Variants in KMT2C observed in about 807,000 individuals in gnomAD.
KMT2C encodes lysine methyltransferase 2C.
In KMT2C, 88 loss-of-function variants were observed where a neutral mutation model predicts 507.9. That is an observed-to-expected ratio of 0.17 (90% CI 0.15 to 0.21). The LOEUF is 0.21. Among genes scored for constraint, KMT2C ranks in the 10% least tolerant of loss-of-function variants. KMT2C has a pLI of 1.00. For synonymous variants in KMT2C, 2,049 were observed against 2,080.8 expected (o/e 0.98, Z 0.42); for missense variants, 4,954 against 5,957.8 (o/e 0.83, Z 5.55).
rs753990249 is a variant in KMT2C at position 152,309,986 on chromosome 7, C to G, written c.829G>C (p.Val277Leu). 1.6e-5 allele frequency: 26 copies of G among 1,610,874 alleles called. No homozygotes were observed. Among genetic ancestry groups the G allele is most frequent in the Admixed American group, 1.5e-4 (9 of 59,996 alleles). ...CTTACTTCTGTGCTCCCTGAGACAA[C>G]AGCTTTGTCCACGTTCACTAACAAT... ...EPLLVNVDKAVVSGSTERCAF... is the reference protein window; with the variant it reads ...EPLLVNVDKALVSGSTERCAF... Residue 277 changes from valine to leucine, a missense_variant, in exon 6 of 59, where the codon GTT (valine) becomes CTT (leucine). By Grantham distance (32) the Val-to-Leu change is conservative. Transcript: ENST00000262189.
intron 7 of KMT2C, among the ~76,000 whole-genome samples, chr7:152,272,973 G>A (rs73730020): frequency 2.0e-5 from 3 of 152,076 alleles, no homozygotes; most frequent in Non-Finnish European, 2.9e-5. Flanking sequence ...GTTTCATAAT[G>A]AGATTGGAAA....
rs141196435 is a variant in KMT2C at position 152,198,170 on chromosome 7, C to T, written c.4273+1109G>A. Among the ~76,000 whole-genome samples the T allele has an allele frequency of 1.2e-3, 178 of 152,212 alleles. 1 individual carries two copies. The highest frequency in any genetic ancestry group is 2.2e-3 in the Admixed American group (34 of 15,286). On this transcript the variant is annotated intron_variant, in intron 27 of 58. Transcript: ENST00000262189. ...CAAGAGCAGGTCATACTTAAAACAACAGAATTAAAGTAGGAGGTAAAAAAT... is the reference window on the plus strand; with the variant it reads ...CAAGAGCAGGTCATACTTAAAACAATAGAATTAAAGTAGGAGGTAAAAAAT...
At chr7:152,349,183 C>T (rs995485481) in intron 2 of KMT2C, among the ~76,000 whole-genome samples, 88 of 152,252 alleles carry the variant, frequency 5.8e-4, no homozygotes, top group South Asian at 2.1e-4. Context: ...CGGTGACTCA[C>T]GCCTGTAATC....
At chr7:152,417,145 T>C (rs909400372) in intron 1 of KMT2C, among the ~76,000 whole-genome samples, 6 of 152,034 alleles carry the variant, frequency 3.9e-5, no homozygotes, top group African/African-American at 1.4e-4. Flanking sequence ...GAAAAAATTT[T>C]AAAAAGTTCG....
intron 6 of KMT2C, among the ~76,000 whole-genome samples, chr7:152,298,179 A>C (rs2096533652): frequency 6.6e-6 from 1 of 152,186 alleles, no homozygotes. Flanking sequence ...ATAGCCTAAT[A>C]ATATGCAGGT....
intron 6 of KMT2C, among the ~76,000 whole-genome samples, chr7:152,292,143 T>C (rs1424554793): frequency 2.6e-5 from 4 of 152,216 alleles, no homozygotes; most frequent in Admixed American, 1.3e-4. Context: ...AGCACAGCCA[T>C]AGTCTTCTAG....
intron 9 of KMT2C, among the ~76,000 whole-genome samples, chr7:152,255,739 G>T (rs1406037293): frequency 6.6e-6 from 1 of 152,160 alleles, no homozygotes; most frequent in Non-Finnish European, 1.5e-5. Flanking sequence ...TTGTAGTCTG[G>T]AATCTCAAGT....
chr7:152,408,903 A>G (rs1203080771), intron 1 of KMT2C, among the ~76,000 whole-genome samples: 1 of 152,170 alleles, frequency 6.6e-6, no homozygotes, highest in African/African-American at 2.4e-5. Context: ...TATGAATTTA[A>G]CTGTGAACAT....
At chr7:152,295,883 G>C in intron 6 of KMT2C, among the ~76,000 whole-genome samples, 1 of 151,514 alleles carries the variant, frequency 6.6e-6, no homozygotes, top group South Asian at 2.1e-4. Context: ...TAGCTAACAC[G>C]GTGAAACCCC....
chr7:152,420,040 A>C (rs959979418), intron 1 of KMT2C, among the ~76,000 whole-genome samples: 2 of 152,202 alleles, frequency 1.3e-5, no homozygotes, highest in African/African-American at 4.8e-5. Flanking sequence ...AAAATGTGTC[A>C]TTTGCATTAT....
chr7:152,396,451 T>C (rs1378991023), intron 1 of KMT2C, among the ~76,000 whole-genome samples: 1 of 152,192 alleles, frequency 6.6e-6, no homozygotes, highest in African/African-American at 2.4e-5. Context: ...GTGCTTGGCA[T>C]ACATTAAACC....
At chr7:152,280,505 T>G (rs1014893993) in intron 6 of KMT2C, among the ~76,000 whole-genome samples, 1 of 89,894 alleles carries the variant, frequency 1.1e-5, no homozygotes, top group African/African-American at 3.0e-5. Context: ...GAGCCGAGAC[T>G]GCACCACTGC....
intron 33 of KMT2C, among the ~76,000 whole-genome samples, chr7:152,186,913 G>GA (rs2093643793): frequency 6.6e-6 from 1 of 152,022 alleles, no homozygotes. Context: ...CACTATTTAG[G>GA]ATTCACTGAT....
Position 152,301,532 on chromosome 7 carries a change from G to C in KMT2C, c.849+8434C>G, listed in dbSNP as rs560291173. Among the ~76,000 whole-genome samples, 17 of 151,788 alleles carry C rather than the reference G, an allele frequency of 1.1e-4. No homozygotes were observed. The South Asian group carries it at 1.7e-3, about 15-fold the overall frequency. ...CAAAAAAATAAAAAAGAAAAGAAAA[G>C]AAAAGTTAGCCAGGTGTGGTGGCAT... is the stretch of plus-strand genomic sequence containing the variant. On this transcript the variant is annotated intron_variant, in intron 6 of 58. Coordinates refer to ENST00000262189, the MANE Select transcript of KMT2C (RefSeq NM_170606.3).
intron 18 of KMT2C, among the ~76,000 whole-genome samples, chr7:152,224,926 A>C (rs1276129091): frequency 6.7e-6 from 1 of 149,678 alleles, no homozygotes; most frequent in East Asian, 1.9e-4. Flanking sequence ...TAAAGAAATC[A>C]AGTAAGCTTC....
At chr7:152,196,844 TA>T (rs772229225) in intron 27 of KMT2C, among the ~76,000 whole-genome samples, 3 of 151,990 alleles carry the variant, frequency 2.0e-5, no homozygotes, top group African/African-American at 4.8e-5. Flanking sequence ...AAAGCAGACA[TA>T]AAGCCCCTGG....
At position 152,181,814 on chromosome 7, in the gene KMT2C, C is replaced by T. The variant is rs2129120391; in HGVS notation, c.6046G>A (p.Val2016Met). 1.9e-6 allele frequency: 3 copies of T among 1,614,118 alleles called. No homozygotes were observed. The highest frequency in any genetic ancestry group is 2.5e-6 in the Non-Finnish European group (3 of 1,180,020). Residue 2016 changes from valine to methionine, a missense_variant, in exon 36 of 59, where the codon GTG (valine) becomes ATG (methionine). This residue lies in a region of KMT2C where 1,689 missense variants were observed against 1,654.3 expected (regional missense o/e 1.02). Transcript: ENST00000262189. Reference protein sequence around the residue: ...HFTKPSPRADVFQRQRIPDSY... With the variant: ...HFTKPSPRADMFQRQRIPDSY... ...TCAGGTATCCTTTGTCTTTGAAACA[C>T]ATCTGCCCTAGGAGATGGTTTAGTA...
intron 6 of KMT2C, among the ~76,000 whole-genome samples, chr7:152,279,312 G>A (rs1216844086): frequency 6.6e-6 from 1 of 152,092 alleles, no homozygotes; most frequent in African/African-American, 2.4e-5. Context: ...GGCAAATGTG[G>A]TCTTCAGAGG....
In KMT2C at chr7:152,266,040, T is replaced by G. The variant is rs372352697; in HGVS notation, c.1013-831A>C. Reference sequence around the variant, plus strand: ...AATGTATTCTAAAATCATACCAATCTTAGATAATGTATAAAAAATATGCCT... The same window carrying G: ...AATGTATTCTAAAATCATACCAATCGTAGATAATGTATAAAAAATATGCCT... On this transcript the variant is annotated intron_variant, in intron 7 of 58. Coordinates refer to ENST00000262189, the MANE Select transcript of KMT2C (RefSeq NM_170606.3). 1.2e-3 allele frequency among the ~76,000 whole-genome samples: 186 copies of G among 152,388 alleles called. No individual in the cohort carries two copies. The East Asian group carries it at 0.024, about 20-fold the overall frequency.
Sources: gnomAD v4.1 joint callset for allele counts (sites outside exome capture counted in the v4.1 genomes callset) on GRCh38, gnomAD v4.1.1 for gene constraint, gnomAD v4.1.1 regional missense constraint, MANE v1.5 for transcripts, NCBI Gene and HGNC (gene_info 2026-07-23, HGNC 2026-07-21) for gene names.